Variants in LANCL3 observed in about 807,000 individuals in gnomAD.
The protein encoded by LANCL3 is LanC like family member 3, also known as lanC-like protein 3.
Under a neutral mutation model 26.5 loss-of-function variants are expected in LANCL3, and 19 were observed. The ratio of observed to expected loss-of-function variants is 0.72; its 90% confidence interval spans 0.50 to 1.05. LANCL3 has a LOEUF of 1.05. Ranked by LOEUF, LANCL3 falls within the 50% of genes least tolerant of loss-of-function variation. LANCL3 has a pLI of 0.00. For synonymous variants in LANCL3, 160 were observed against 166.6 expected, an observed-to-expected ratio of 0.96 and a Z score of 0.30; for missense variants, 318 against 362.7, an observed-to-expected ratio of 0.88 and a Z score of 1.00.
intron 1 of LANCL3, among the ~76,000 whole-genome samples, chrX:37,602,656 CATAG>C (rs781876838): frequency 8.2e-4 from 92 of 111,631 alleles, no homozygotes; most frequent in African/African-American, 2.9e-3. Context: ...GGATTTTATA[CATAG>C]ATGAGCCTGG....
rs782096939 is a variant in LANCL3, at chrX:37,657,267, G to A, written c.697+1456G>A. Among the ~76,000 whole-genome samples, 152 of 112,883 alleles carry A rather than the reference G, an allele frequency of 1.3e-3. 1 individual carries two copies. The Middle Eastern group carries it at 0.037, about 27-fold the overall frequency. ...ATGATAGATGCTTGAGATATGAAGC[G>A]GGAGCAAAGATGCATCTGAATGTTG... is the stretch of plus-strand genomic sequence containing the variant. On this transcript the variant is annotated intron_variant, in intron 2 of 4. Transcript: ENST00000378619.
At chrX:37,583,510 T>A (rs1456482681) in intron 1 of LANCL3, among the ~76,000 whole-genome samples, 1 of 111,732 alleles carries the variant, frequency 8.9e-6, no homozygotes, top group Non-Finnish European at 1.9e-5. Flanking sequence ...TGGTTTGTAG[T>A]TCTCCTTGAA....
chrX:37,572,001 CA>C lies in LANCL3; in HGVS notation c.132del (p.Leu45SerfsTer149). On this transcript the variant is annotated frameshift_variant, in exon 1 of 5. Transcript: ENST00000378619. LOFTEE classifies it high-confidence loss of function. ...TIERILQELP[P>X]LGGGAEARGA... is the part of the protein sequence containing the mutation. ...GAGCGCATCCTCCAGGAGCTTCCCCCACTCGGGGGCGGCGCGGAGGCCCGAG... is the reference window on the plus strand; with the variant it reads ...GAGCGCATCCTCCAGGAGCTTCCCCCCTCGGGGGCGGCGCGGAGGCCCGAG... The C allele has an allele frequency of 8.4e-7, 1 of 1,188,864 alleles. No individual in the cohort carries two copies. The highest frequency in any genetic ancestry group is 1.1e-6 in the Non-Finnish European group (1 of 884,025).
chrX:37,683,398 G>T lies in LANCL3; in HGVS notation c.*7585G>T, dbSNP rs1202152654. 9.0e-6 allele frequency: 1 copy of T among 111,432 alleles called. No individual in the cohort carries two copies. 9.2% of individuals were successfully genotyped at this position (111,432 alleles called of 1,213,427 possible). Reference sequence around the variant, plus strand: ...TATTATTAATAAAATTGTACTATTTGCAATATATTTGCCTTGGCACAAATG... The same window carrying T: ...TATTATTAATAAAATTGTACTATTTTCAATATATTTGCCTTGGCACAAATG... On this transcript the variant is annotated 3_prime_UTR_variant, in exon 5 of 5. Coordinates refer to ENST00000378619, the MANE Select transcript of LANCL3 (RefSeq NM_001170331.2).
At chrX:37,636,691 G>T (rs1307116479) in intron 1 of LANCL3, among the ~76,000 whole-genome samples, 1 of 111,514 alleles carries the variant, frequency 9.0e-6, no homozygotes, top group African/African-American at 3.3e-5. Context: ...TCATGATGTG[G>T]AGTGACTATG....
chrX:37,670,478 A>C (rs1391034506), intron 4 of LANCL3, among the ~76,000 whole-genome samples: 3 of 111,437 alleles, frequency 2.7e-5, no homozygotes, highest in African/African-American at 9.8e-5. Flanking sequence ...TTAACATTAA[A>C]ATTTTTGATT....
At chrX:37,641,169 A>G (rs1308573862) in intron 1 of LANCL3, among the ~76,000 whole-genome samples, 2 of 111,634 alleles carry the variant, frequency 1.8e-5, no homozygotes, top group Non-Finnish European at 1.9e-5. Flanking sequence ...AAATGTCAAC[A>G]TAACAAAACT....
At chrX:37,586,650 G>C (rs1195072316) in intron 1 of LANCL3, among the ~76,000 whole-genome samples, 2 of 111,776 alleles carry the variant, frequency 1.8e-5, no homozygotes, top group Admixed American at 1.9e-4. Context: ...AGCTCCATCA[G>C]GTCATTTAAG....
intron 1 of LANCL3, among the ~76,000 whole-genome samples, chrX:37,618,656 G>A (rs1467875762): frequency 9.1e-6 from 1 of 109,814 alleles, no homozygotes; most frequent in Non-Finnish European, 1.9e-5. Flanking sequence ...TTCATATGAC[G>A]TATTCCCTGT....
At chrX:37,671,915 T>C (rs1926693377) in intron 4 of LANCL3, among the ~76,000 whole-genome samples, 1 of 111,796 alleles carries the variant, frequency 8.9e-6, no homozygotes, top group Non-Finnish European at 1.9e-5. Context: ...TTTCTTAATC[T>C]CTTTAGGTGG....
Position 37,571,779 on chromosome X carries a change from G to C in LANCL3, c.-92G>C, listed in dbSNP as rs1556415436. On this transcript the variant is annotated 5_prime_UTR_variant, in exon 1 of 5. Coordinates refer to ENST00000378619, the MANE Select transcript of LANCL3 (RefSeq NM_001170331.2). The stretch of plus-strand genomic sequence containing the variant: ...TTCCCCGCCGCATACACCGGCATCC[G>C]AGTGCCTCAGAGAGCCGGAGGTGGT... The C allele has an allele frequency of 1.4e-6, 1 of 733,512 alleles. No individual in the cohort carries two copies. Among genetic ancestry groups the C allele is most frequent in the African/African-American group, 2.2e-5 (1 of 45,876 alleles). The allele number at this position is 733,512 out of a possible 1,213,427, so 60.4% of individuals were successfully genotyped here. A position where few individuals can be genotyped will look rare whatever the true frequency, so the allele number is the denominator to read the frequency against.
intron 1 of LANCL3, among the ~76,000 whole-genome samples, chrX:37,596,219 T>A (rs1490252511): frequency 8.9e-6 from 1 of 112,004 alleles, no homozygotes; most frequent in East Asian, 2.8e-4. Context: ...ATTAGCAAGG[T>A]GGCACCCTGT....
chrX:37,666,639 C>G (rs1228170578), intron 3 of LANCL3, among the ~76,000 whole-genome samples: 1 of 111,788 alleles, frequency 8.9e-6, no homozygotes. Flanking sequence ...TCTCTTGTTT[C>G]TCTTGTAACT....
rs781795045 is a variant in LANCL3, at chrX:37,572,324, G to A, written c.454G>A (p.Ala152Thr). ...DYVQPLGKFR[A>T]LCAVCAPVSF... The stretch of plus-strand genomic sequence containing the variant: ...CGTGCAGCCGCTGGGCAAGTTCCGG[G>A]CTCTGTGTGCCGTCTGCGCGCCGGT... Residue 152 changes from alanine (A) to threonine (T), a missense_variant, in exon 1 of 5, where the codon GCT (alanine) becomes ACT (threonine). Physicochemically the swap from Ala to Thr is moderately conservative, Grantham distance 58. Coordinates refer to ENST00000378619, the MANE Select transcript of LANCL3 (RefSeq NM_001170331.2). 294 of 1,161,514 alleles carry A rather than the reference G, an allele frequency of 2.5e-4. No homozygotes were observed. In the African/African-American group the frequency reaches 4.1e-3, roughly 16 times the overall value.
chrX:37,661,473 A>G (rs1324597397), intron 3 of LANCL3, among the ~76,000 whole-genome samples: 2 of 111,848 alleles, frequency 1.8e-5, no homozygotes, highest in African/African-American at 6.5e-5. Context: ...CTGGACTACC[A>G]AAAATAAACC....
chrX:37,575,817 G>A (rs6610367), intron 1 of LANCL3, among the ~76,000 whole-genome samples: 11 of 111,744 alleles, frequency 9.8e-5, no homozygotes, highest in Non-Finnish European at 1.7e-4. Flanking sequence ...ACTATGAGAC[G>A]CCATTCTATG....
In LANCL3 at chrX:37,679,136, T is replaced by C. The variant is rs1556438184; in HGVS notation, c.*3323T>C. 1.8e-5 allele frequency: 2 copies of C among 112,037 alleles called. No individual in the cohort carries two copies. The highest frequency in any genetic ancestry group is 3.8e-5 in the Non-Finnish European group (2 of 53,196). The allele number at this position is 112,037 out of a possible 1,213,427, so 9.2% of individuals were successfully genotyped here. On this transcript the variant is annotated 3_prime_UTR_variant, in exon 5 of 5. Transcript: ENST00000378619. ...CTACTTCACAGGGTTGTTATAAAAG[T>C]TGTCAATGATAAAATGGATATAAGT...
intron 1 of LANCL3, among the ~76,000 whole-genome samples, chrX:37,630,893 G>A (rs1363725584): frequency 1.8e-5 from 2 of 111,113 alleles, no homozygotes; most frequent in South Asian, 3.8e-4. Flanking sequence ...GTTCATCAAG[G>A]ATATTGGTCT....
intron 1 of LANCL3, among the ~76,000 whole-genome samples, chrX:37,605,153 A>G (rs1457023988): frequency 1.8e-5 from 2 of 111,821 alleles, no homozygotes; most frequent in African/African-American, 6.5e-5. Flanking sequence ...ATCATGGGCC[A>G]TTTATCCTTA....
Sources: gnomAD v4.1 joint callset for allele counts (sites outside exome capture counted in the v4.1 genomes callset) on GRCh38, gnomAD v4.1.1 for gene constraint, MANE v1.5 for transcripts, NCBI Gene and HGNC (gene_info 2026-07-23, HGNC 2026-07-21) for gene names.